Variants in GPM6A observed in about 807,000 individuals in gnomAD.
GPM6A encodes the protein glycoprotein M6A.
A neutral mutation model predicts 32.1 loss-of-function variants in GPM6A; 7 were observed. That is an observed-to-expected ratio of 0.22 (90% CI 0.12 to 0.41). The LOEUF (loss-of-function observed/expected upper bound fraction) is 0.41. Among genes scored for constraint, GPM6A ranks in the 10% least tolerant of loss-of-function variants. The pLI, the probability that GPM6A is intolerant of heterozygous loss-of-function variation, is 1.00. For synonymous variants in GPM6A, 130 were observed against 123.4 expected, an observed-to-expected ratio of 1.05 and a Z score of -0.35; for missense variants, 235 against 347.2, an observed-to-expected ratio of 0.68 and a Z score of 2.57.
intron 2 of GPM6A, among the ~76,000 whole-genome samples, chr4:175,679,717 G>A (rs1191021298): frequency 2.0e-5 from 3 of 152,078 alleles, no homozygotes; most frequent in Non-Finnish European, 4.4e-5. Flanking sequence ...TTAGTGACAC[G>A]GACTAATGGT....
At chr4:175,924,012 CTAGG>C (rs1738753780) in intron 1 of GPM6A, among the ~76,000 whole-genome samples, 1 of 152,094 alleles carries the variant, frequency 6.6e-6, no homozygotes, top group Admixed American at 6.5e-5. Context: ...AGTATTTGTC[CTAGG>C]TATTTCCTTT....
intron 1 of GPM6A, among the ~76,000 whole-genome samples, chr4:175,735,409 T>G (rs1458311612): frequency 6.6e-6 from 1 of 152,188 alleles, no homozygotes; most frequent in Non-Finnish European, 1.5e-5. Context: ...TCTTAGTCTC[T>G]GAGAAGGACA....
chr4:175,763,275 G>A (rs910120046), intron 1 of GPM6A, among the ~76,000 whole-genome samples: 2 of 152,102 alleles, frequency 1.3e-5, no homozygotes, highest in African/African-American at 2.4e-5. Flanking sequence ...GCCTCCCAAA[G>A]TGCTGGGATT....
chr4:175,911,231 T>G (rs987638227), intron 1 of GPM6A, among the ~76,000 whole-genome samples: 1 of 152,126 alleles, frequency 6.6e-6, no homozygotes, highest in Non-Finnish European at 1.5e-5. Context: ...GACAAAAGGT[T>G]TATTACCAGT....
chr4:176,000,064 T>C (rs1431256444), intron 1 of GPM6A, among the ~76,000 whole-genome samples: 1 of 152,222 alleles, frequency 6.6e-6, no homozygotes, highest in African/African-American at 2.4e-5. Flanking sequence ...ATCTCTGTCC[T>C]GAGTTCTGGC....
At chr4:175,683,449 G>A (rs1560872905) in intron 2 of GPM6A, among the ~76,000 whole-genome samples, 1 of 152,186 alleles carries the variant, frequency 6.6e-6, no homozygotes, top group Non-Finnish European at 1.5e-5. Flanking sequence ...GGGAAGGCAT[G>A]ATTATATTTT....
chr4:175,734,065 T>C (rs1283833381), intron 1 of GPM6A, among the ~76,000 whole-genome samples: 3 of 151,744 alleles, frequency 2.0e-5, no homozygotes, highest in Non-Finnish European at 4.4e-5. Context: ...AAAATAAAAG[T>C]GCATTTTAAT....
chr4:175,863,168 T>C (rs1736625214), intron 1 of GPM6A, among the ~76,000 whole-genome samples: 1 of 152,172 alleles, frequency 6.6e-6, no homozygotes, highest in African/African-American at 2.4e-5. Context: ...TATTAAAAAA[T>C]CACCACACTA....
intron 6 of GPM6A, among the ~76,000 whole-genome samples, chr4:175,637,144 A>C (rs1381345116): frequency 1.0e-5 from 1 of 95,328 alleles, no homozygotes; most frequent in Non-Finnish European, 1.9e-5. Flanking sequence ...ATTATATATG[A>C]TATATTATAT....
intron 6 of GPM6A, among the ~76,000 whole-genome samples, chr4:175,635,384 C>A (rs1740519378): frequency 6.6e-6 from 1 of 152,020 alleles, no homozygotes. Context: ...TGATTCATTT[C>A]ATGTTCATGT....
At chr4:175,982,533 T>G (rs1243649281) in intron 1 of GPM6A, among the ~76,000 whole-genome samples, 4 of 152,198 alleles carry the variant, frequency 2.6e-5, no homozygotes, top group Non-Finnish European at 5.9e-5. Flanking sequence ...ACTCTATGTA[T>G]CTTTGTCAAA....
chr4:175,662,284 C>T (rs978959778), intron 3 of GPM6A, among the ~76,000 whole-genome samples: 2 of 151,958 alleles, frequency 1.3e-5, no homozygotes, highest in Non-Finnish European at 2.9e-5. Context: ...ACTAGTGCTT[C>T]GCTTTCTTTC....
At chr4:175,691,517 C>T (rs1380124433) in intron 2 of GPM6A, among the ~76,000 whole-genome samples, 1 of 152,124 alleles carries the variant, frequency 6.6e-6, no homozygotes, top group Non-Finnish European at 1.5e-5. Flanking sequence ...CAAAGCTATG[C>T]TTACTATATA....
intron 2 of GPM6A, among the ~76,000 whole-genome samples, chr4:175,690,880 G>A (rs1357992346): frequency 6.6e-6 from 1 of 152,224 alleles, no homozygotes; most frequent in African/African-American, 2.4e-5. Context: ...CTTCATTGAA[G>A]TTGAATGCTA....
intron 1 of GPM6A, among the ~76,000 whole-genome samples, chr4:175,865,356 T>G (rs1016271861): frequency 6.6e-6 from 1 of 152,218 alleles, no homozygotes. Context: ...TGTTGTCAGA[T>G]AGTGTAAATT....
At chr4:175,762,078 G>A (rs943331813) in intron 1 of GPM6A, among the ~76,000 whole-genome samples, 2 of 152,210 alleles carry the variant, frequency 1.3e-5, no homozygotes, top group Non-Finnish European at 2.9e-5. Context: ...ATAGGCGAGA[G>A]CCACTGCACT....
At chr4:175,962,115 C>T in intron 1 of GPM6A, 1 of 761,250 alleles carries the variant, frequency 1.3e-6, no homozygotes. Flanking sequence ...CCATGCTGTG[C>T]ACCATCCGGA....
intron 1 of GPM6A, among the ~76,000 whole-genome samples, chr4:175,801,200 G>T (rs1734458033): frequency 6.6e-6 from 1 of 152,038 alleles, no homozygotes; most frequent in Non-Finnish European, 1.5e-5. Context: ...AGAATGCTGG[G>T]TAAGTTTACT....
intron 1 of GPM6A, among the ~76,000 whole-genome samples, chr4:175,894,951 C>T (rs927161571): frequency 1.3e-5 from 2 of 152,150 alleles, no homozygotes; most frequent in African/African-American, 4.8e-5. Context: ...ATTACTGTAA[C>T]ACACTGCTTC....
Sources: gnomAD v4.1 joint callset for allele counts (sites outside exome capture counted in the v4.1 genomes callset) on GRCh38, gnomAD v4.1.1 for gene constraint, MANE v1.5 for transcripts, NCBI Gene and HGNC (gene_info 2026-07-23, HGNC 2026-07-21) for gene names.